The following ATP6V1H variants were observed in gnomAD, a reference collection of about 807,000 sequenced individuals.
ATP6V1H encodes the protein V-type proton ATPase subunit H.
Under a neutral mutation model 71.7 loss-of-function variants are expected in ATP6V1H, and 39 were observed. The ratio of observed to expected loss-of-function variants is 0.54; its 90% CI spans 0.42 to 0.71. The LOEUF is 0.71. Ranked by LOEUF, ATP6V1H falls within the 30% of genes least tolerant of loss-of-function variation. The pLI, the probability that ATP6V1H is intolerant of heterozygous loss-of-function variation, is 0.00. For missense variants in ATP6V1H, 509 were observed against 594.9 expected (o/e 0.86, Z 1.50); for synonymous variants, 192 against 199.3 (o/e 0.96, Z 0.31).
chr8:53,774,167 A>C (rs1808779411), intron 9 of ATP6V1H, among the ~76,000 whole-genome samples: 1 of 152,260 alleles, frequency 6.6e-6, no homozygotes, highest in Non-Finnish European at 1.5e-5. Flanking sequence ...TTTCAGACAC[A>C]AGATGTCCAG....
chr8:53,745,627 C>A (rs909143030), intron 12 of ATP6V1H, among the ~76,000 whole-genome samples: 8 of 151,916 alleles, frequency 5.3e-5, no homozygotes, highest in Admixed American at 1.3e-4. Context: ...ACGTAACAGC[C>A]CCTTCTTGTG....
chr8:53,800,240 T>C (rs959190231), intron 8 of ATP6V1H, among the ~76,000 whole-genome samples: 1 of 152,222 alleles, frequency 6.6e-6, no homozygotes. Flanking sequence ...TTGTCCCTTA[T>C]GATACAGCTG....
At chr8:53,788,898 T>C (rs1465521095) in intron 9 of ATP6V1H, among the ~76,000 whole-genome samples, 4 of 152,246 alleles carry the variant, frequency 2.6e-5, no homozygotes, top group East Asian at 1.9e-4. Context: ...TCTACACTTA[T>C]GGTGACTTTT....
At chr8:53,742,842 C>T (rs1475884972) in intron 13 of ATP6V1H, among the ~76,000 whole-genome samples, 1 of 152,020 alleles carries the variant, frequency 6.6e-6, no homozygotes, top group African/African-American at 2.4e-5. Flanking sequence ...GTTCCTGATG[C>T]CTTAACAAAA....
intron 11 of ATP6V1H, among the ~76,000 whole-genome samples, chr8:53,766,300 T>G (rs2130298654): frequency 6.6e-6 from 1 of 152,382 alleles, no homozygotes; most frequent in East Asian, 1.9e-4. Context: ...TCATGGACAC[T>G]TATCACTTCC....
Position 53,798,254 on chromosome 8 carries a change from G to A in ATP6V1H, c.678-2415C>T, listed in dbSNP as rs11992537. Among the ~76,000 whole-genome samples the A allele has an allele frequency of 3.5e-3, 533 of 152,208 alleles. 3 individuals are homozygous for A. Among genetic ancestry groups the A allele is most frequent in the African/African-American group, 0.012 (491 of 41,546 alleles). On this transcript the variant is annotated intron_variant, in intron 8 of 13. Transcript: ENST00000359530. The stretch of plus-strand genomic sequence containing the variant: ...AAGACCTCAGTTATCGGCCAGGCAA[G>A]GTGGCTCATGCCTATAATCCCAGCA...
chr8:53,770,832 T>G (rs1263297652), intron 10 of ATP6V1H, among the ~76,000 whole-genome samples: 1 of 152,200 alleles, frequency 6.6e-6, no homozygotes, highest in Non-Finnish European at 1.5e-5. Context: ...CAGTCATCAG[T>G]TTTTAATAAA....
intron 13 of ATP6V1H, among the ~76,000 whole-genome samples, chr8:53,732,378 G>A (rs1333171337): frequency 1.3e-5 from 2 of 152,156 alleles, no homozygotes; most frequent in Non-Finnish European, 2.9e-5. Flanking sequence ...CTATTAAAGT[G>A]CACGTTACAG....
intron 12 of ATP6V1H, among the ~76,000 whole-genome samples, chr8:53,750,902 T>G (rs1807772194): frequency 2.0e-5 from 3 of 152,226 alleles, no homozygotes; most frequent in Non-Finnish European, 4.4e-5. Flanking sequence ...ATTTACTTGC[T>G]TCAGCAAACA....
intron 12 of ATP6V1H, among the ~76,000 whole-genome samples, chr8:53,753,824 T>C (rs1807890591): frequency 6.6e-6 from 1 of 152,228 alleles, no homozygotes. Flanking sequence ...CTCTTGATAT[T>C]ACAGTGTCAA....
intron 13 of ATP6V1H, among the ~76,000 whole-genome samples, chr8:53,719,432 G>A (rs1806541258): frequency 6.6e-6 from 1 of 152,208 alleles, no homozygotes; most frequent in South Asian, 2.1e-4. Flanking sequence ...GCCTCCCAAA[G>A]TGCTAGGATC....
At chr8:53,791,640 C>A (rs1433013278) in intron 9 of ATP6V1H, among the ~76,000 whole-genome samples, 2 of 152,198 alleles carry the variant, frequency 1.3e-5, no homozygotes, top group African/African-American at 4.8e-5. Flanking sequence ...TCCAAGATAA[C>A]TATTCCTGGT....
In ATP6V1H at chr8:53,772,005, T is replaced by A. The variant is rs1170479636; in HGVS notation, c.1033A>T (p.Ser345Cys). 6.2e-7 allele frequency: 1 copy of A among 1,613,856 alleles called. No individual in the cohort carries two copies. Among genetic ancestry groups the A allele is most frequent in the South Asian group, 1.1e-5 (1 of 91,022 alleles). ...ATAACACACCTAAGGTCCTGGACAC[T>A]CTCTCCAAGTTTTTCCAAAAGAAAT... ...IKFLLEKLGE[S>C]VQDLSSFDEY... Residue 345 changes from serine (S) to cysteine (C), a missense_variant, in exon 10 of 14, where the codon AGT (serine) becomes TGT (cysteine). Physicochemically the swap from Ser to Cys is moderately radical, Grantham distance 112 (BLOSUM62 -1). Coordinates refer to ENST00000359530, the MANE Select transcript of ATP6V1H (RefSeq NM_015941.4).
At chr8:53,743,419 T>C (rs1457893179) in intron 13 of ATP6V1H, among the ~76,000 whole-genome samples, 158 bp downstream of exon 13, 1 of 152,220 alleles carries the variant, frequency 6.6e-6, no homozygotes, top group Non-Finnish European at 1.5e-5. Context: ...AAAACTAATG[T>C]GTCATTGCTC....
rs552125906 is a variant in ATP6V1H, at chr8:53,813,173, A to G, written c.525+1489T>C. Among the ~76,000 whole-genome samples the G allele has an allele frequency of 5.7e-4, 87 of 152,368 alleles. 1 individual carries two copies. The highest frequency in any genetic ancestry group is 1.8e-3 in the African/African-American group (73 of 41,582). On this transcript the variant is annotated intron_variant, in intron 6 of 13. Transcript: ENST00000359530. ...ATAGCTTGTTTTTGAAATATCTCAC[A>G]AACTCAATAAAATGGTGGCTCTTGT...
chr8:53,823,545 T>G (rs1365104434), intron 4 of ATP6V1H, among the ~76,000 whole-genome samples: 2 of 152,210 alleles, frequency 1.3e-5, no homozygotes, highest in East Asian at 3.9e-4. Flanking sequence ...TGGCACAATC[T>G]CAGCTCACTG....
At chr8:53,797,441 T>C (rs577141431) in intron 8 of ATP6V1H, among the ~76,000 whole-genome samples, 1 of 152,344 alleles carries the variant, frequency 6.6e-6, no homozygotes, top group South Asian at 2.1e-4. Context: ...ACTAGCCAAC[T>C]GGCTCCCCTC....
chr8:53,739,900 C>T (rs1055186047), intron 13 of ATP6V1H, among the ~76,000 whole-genome samples: 3 of 152,234 alleles, frequency 2.0e-5, no homozygotes, highest in Admixed American at 6.5e-5. Context: ...CCACTGTCCC[C>T]TCCCTCCCCA....
At chr8:53,727,543 T>C (rs985641870) in intron 13 of ATP6V1H, among the ~76,000 whole-genome samples, 3 of 152,168 alleles carry the variant, frequency 2.0e-5, no homozygotes, top group Admixed American at 6.5e-5. Flanking sequence ...GAGACTCCTG[T>C]GGAAAGCATG....
Sources: gnomAD v4.1 joint callset for allele counts (sites outside exome capture counted in the v4.1 genomes callset) on GRCh38, gnomAD v4.1.1 for gene constraint, MANE v1.5 for transcripts, NCBI Gene and HGNC (gene_info 2026-07-23, HGNC 2026-07-21) for gene names.